Variants in REDIC1 observed in about 807,000 individuals in gnomAD.
REDIC1 encodes the protein regulator of DNA class I crossover intermediates 1, also known as HEI10 Interacting Protein 1.
the REDIC1 span, chr12:39,643,707 CT>C: frequency 2.7e-6 from 3 of 1,111,032 alleles, no homozygotes; most frequent in Non-Finnish European, 3.8e-6. Context: ...AACATGATTG[CT>C]TTTTTATTAT....
the REDIC1 span, among the ~76,000 whole-genome samples, chr12:39,825,617 G>A: frequency 2.0e-5 from 3 of 151,958 alleles, no homozygotes; most frequent in Non-Finnish European, 2.9e-5. Flanking sequence ...TGGAGAACAC[G>A]GTTCATAGTA....
chr12:39,704,541 A>C, the REDIC1 span, among the ~76,000 whole-genome samples: 14 of 152,320 alleles, frequency 9.2e-5, no homozygotes, highest in East Asian at 7.7e-4. Context: ...AGAACTAGAA[A>C]TACCATTTGA....
chr12:39,629,617 C>G, the REDIC1 span, among the ~76,000 whole-genome samples: 1 of 152,084 alleles, frequency 6.6e-6, no homozygotes, highest in Admixed American at 6.5e-5. Flanking sequence ...AAGGAAAGAG[C>G]CAGTGATTAG....
At chr12:39,704,226 A>AG in the REDIC1 span, among the ~76,000 whole-genome samples, 5 of 152,264 alleles carry the variant, frequency 3.3e-5, no homozygotes, top group Middle Eastern at 3.4e-3. Flanking sequence ...CAAATTTACA[A>AG]GAAAAAAAAA....
chr12:39,709,300 A>T, the REDIC1 span, among the ~76,000 whole-genome samples: 1 of 143,662 alleles, frequency 7.0e-6, no homozygotes, highest in Non-Finnish European at 1.5e-5. Flanking sequence ...AATTTGGGAG[A>T]GAGTGATTCT....
the REDIC1 span, among the ~76,000 whole-genome samples, chr12:39,668,482 C>A: frequency 7.4e-3 from 1,134 of 152,326 alleles, 15 homozygotes; most frequent in African/African-American, 0.025. Context: ...CAACCTTTCT[C>A]TCTGGCTGCC....
the REDIC1 span, chr12:39,650,331 G>T: frequency 1.2e-5 from 20 of 1,610,736 alleles, no homozygotes; most frequent in Admixed American, 2.7e-4. This position sits in a 1 kb window ranked among gnomAD's most constrained non-coding sequence, Gnocchi z 4.3. Flanking sequence ...CACGATTTGG[G>T]ACATTATTTG....
the REDIC1 span, among the ~76,000 whole-genome samples, chr12:39,867,055 T>C: frequency 9.9e-3 from 1,511 of 152,204 alleles, 10 homozygotes; most frequent in South Asian, 0.034. Flanking sequence ...AAGCCCCAAA[T>C]TGGAAAACAG....
the REDIC1 span, among the ~76,000 whole-genome samples, chr12:39,717,500 G>T: frequency 3.9e-5 from 6 of 152,142 alleles, no homozygotes; most frequent in South Asian, 1.2e-3. Flanking sequence ...ATGTTGAGTA[G>T]GCTGAGGAGG....
the REDIC1 span, among the ~76,000 whole-genome samples, chr12:39,858,906 G>A: frequency 2.6e-5 from 4 of 151,956 alleles, no homozygotes; most frequent in African/African-American, 9.7e-5. Flanking sequence ...GTGCCCGACC[G>A]TTTTTACACA....
chr12:39,656,224 T>C, the REDIC1 span, among the ~76,000 whole-genome samples: 2,110 of 152,354 alleles, frequency 0.014, 143 homozygotes, highest in Admixed American at 0.098. Context: ...TATTCCATCA[T>C]GTTTAATTTT....
chr12:39,726,865 G>A, the REDIC1 span, among the ~76,000 whole-genome samples: 56 of 152,222 alleles, frequency 3.7e-4, no homozygotes, highest in East Asian at 8.5e-3. Context: ...TCTAACTGGC[G>A]CGAGATGGTA....
chr12:39,716,323 G>A, the REDIC1 span, among the ~76,000 whole-genome samples: 1 of 151,932 alleles, frequency 6.6e-6, no homozygotes, highest in African/African-American at 2.4e-5. Context: ...GCTTTGAATA[G>A]GTTTTATTCG....
At chr12:39,706,753 G>T in the REDIC1 span, among the ~76,000 whole-genome samples, 1 of 151,976 alleles carries the variant, frequency 6.6e-6, no homozygotes, top group Non-Finnish European at 1.5e-5. Flanking sequence ...ACATGCACTG[G>T]GAAAAGACAG....
At chr12:39,664,435 A>G in the REDIC1 span, among the ~76,000 whole-genome samples, 2 of 152,068 alleles carry the variant, frequency 1.3e-5, no homozygotes, top group African/African-American at 2.4e-5. Flanking sequence ...ATAGTATTCC[A>G]TGGTGTATAT....
the REDIC1 span, among the ~76,000 whole-genome samples, chr12:39,644,163 A>G: frequency 6.6e-6 from 1 of 151,806 alleles, no homozygotes; most frequent in Non-Finnish European, 1.5e-5. Flanking sequence ...TAAACTTATT[A>G]TAGTACAGTT....
chr12:39,799,066 T>TTTTTTTTTTTTTTCC, the REDIC1 span, among the ~76,000 whole-genome samples: 55 of 138,158 alleles, frequency 4.0e-4, no homozygotes, highest in Non-Finnish European at 6.7e-4. Flanking sequence ...ACTGTTCTGG[T>TTTTTTTTTTTTTTCC]TTTTTTTTTT....
the REDIC1 span, among the ~76,000 whole-genome samples, chr12:39,701,241 G>A: frequency 6.6e-6 from 1 of 152,166 alleles, no homozygotes; most frequent in South Asian, 2.1e-4. Context: ...GATGGAGGAA[G>A]ATCTACCAAG....
At chr12:39,735,390 C>T in the REDIC1 span, among the ~76,000 whole-genome samples, 31,557 of 151,912 alleles carry the variant, frequency 0.21, 4,007 homozygotes, top group East Asian at 0.38. Flanking sequence ...TATGAAGTAA[C>T]GTAGAAAATA....
Sources: gnomAD v4.1 joint callset for allele counts (sites outside exome capture counted in the v4.1 genomes callset) on GRCh38, gnomAD v4.1.1 for gene constraint, Gnocchi (gnomAD v3.1) non-coding constraint, MANE v1.5 for transcripts, NCBI Gene and HGNC (gene_info 2026-07-23, HGNC 2026-07-21) for gene names.